CACNG3: variants seen among roughly 807,000 people sequenced by gnomAD.
CACNG3 encodes the protein calcium voltage-gated channel auxiliary subunit gamma 3, also known as voltage-dependent calcium channel gamma-3 subunit.
A neutral mutation model predicts 28.5 loss-of-function variants in CACNG3; 3 were observed. The ratio of observed to expected loss-of-function variants is 0.11; its 90% CI spans 0.05 to 0.27. The LOEUF is 0.27. Ranked by LOEUF, CACNG3 falls within the 10% of genes least tolerant of loss-of-function variation. The pLI is 1.00. For synonymous variants in CACNG3, 174 were observed against 162.2 expected, an observed-to-expected ratio of 1.07 and a Z score of -0.55; for missense variants, 236 against 414.4, an observed-to-expected ratio of 0.57 and a Z score of 3.74.
At chr16:24,291,191 A>G (rs892388732) in intron 1 of CACNG3, among the ~76,000 whole-genome samples, 2 of 152,140 alleles carry the variant, frequency 1.3e-5, no homozygotes, top group Non-Finnish European at 2.9e-5. Flanking sequence ...TTTGGCACAT[A>G]GTTAGCCCTC....
At chr16:24,348,884 C>T (rs1899905023) in intron 2 of CACNG3, among the ~76,000 whole-genome samples, 1 of 152,200 alleles carries the variant, frequency 6.6e-6, no homozygotes, top group South Asian at 2.1e-4. Flanking sequence ...ACTTGTATAG[C>T]TGATTTTAAG....
chr16:24,303,034 T>A (rs922916181), intron 1 of CACNG3, among the ~76,000 whole-genome samples: 3 of 152,056 alleles, frequency 2.0e-5, no homozygotes, highest in Non-Finnish European at 2.9e-5. Flanking sequence ...GCTCAAGCAA[T>A]CCTCCTGCCT....
chr16:24,345,251 C>T (rs1288592737), intron 1 of CACNG3, among the ~76,000 whole-genome samples: 1 of 152,184 alleles, frequency 6.6e-6, no homozygotes, highest in Non-Finnish European at 1.5e-5. Flanking sequence ...AATGCCCGCC[C>T]CCCTGATTCC....
chr16:24,296,476 G>A (rs756480864), intron 1 of CACNG3, among the ~76,000 whole-genome samples: 15 of 152,204 alleles, frequency 9.9e-5, no homozygotes, highest in Non-Finnish European at 1.6e-4. Flanking sequence ...TCACGGGACT[G>A]TGGCGATACT....
chr16:24,281,251 C>T (rs544292064), intron 1 of CACNG3, among the ~76,000 whole-genome samples: 9 of 152,114 alleles, frequency 5.9e-5, no homozygotes, highest in East Asian at 3.9e-4. Flanking sequence ...GCTGGAGTGC[C>T]GTAGTAGAAT....
At chr16:24,348,531 G>A (rs1245152572) in intron 2 of CACNG3, among the ~76,000 whole-genome samples, 4 of 152,114 alleles carry the variant, frequency 2.6e-5, no homozygotes, top group Non-Finnish European at 5.9e-5. Flanking sequence ...AGGAGAGAAG[G>A]ATGTGATCAC....
chr16:24,289,541 TG>T (rs1898938747), intron 1 of CACNG3, among the ~76,000 whole-genome samples: 1 of 152,204 alleles, frequency 6.6e-6, no homozygotes, highest in Non-Finnish European at 1.5e-5. Flanking sequence ...GATGAGCTTG[TG>T]GGTCTGAGCC....
At chr16:24,314,577 GA>G (rs202105085) in intron 1 of CACNG3, among the ~76,000 whole-genome samples, 24 of 152,284 alleles carry the variant, frequency 1.6e-4, no homozygotes, top group African/African-American at 5.5e-4. Flanking sequence ...GCCCAGTTCT[GA>G]AAAGAAAAAG....
At chr16:24,313,829 C>A (rs1899310585) in intron 1 of CACNG3, among the ~76,000 whole-genome samples, 1 of 152,032 alleles carries the variant, frequency 6.6e-6, no homozygotes. Flanking sequence ...ACTGCAACCT[C>A]CATCTCCTAG....
At chr16:24,313,266 T>G (rs1230130891) in intron 1 of CACNG3, among the ~76,000 whole-genome samples, 1 of 152,142 alleles carries the variant, frequency 6.6e-6, no homozygotes, top group Non-Finnish European at 1.5e-5. Flanking sequence ...AAAACAACCC[T>G]CTGAGATAAA....
intron 1 of CACNG3, among the ~76,000 whole-genome samples, chr16:24,278,383 T>G (rs1898779143): frequency 6.6e-6 from 1 of 152,162 alleles, no homozygotes; most frequent in South Asian, 2.1e-4. Context: ...TCTGGGAGGC[T>G]AAGACAGGTG....
chr16:24,358,153 C>T (rs895646777), intron 3 of CACNG3, among the ~76,000 whole-genome samples: 5 of 152,192 alleles, frequency 3.3e-5, no homozygotes, highest in Admixed American at 1.3e-4. Flanking sequence ...ATTAACAACC[C>T]TTTAAATCGG....
At chr16:24,359,030 T>C (rs1032413945) in intron 3 of CACNG3, among the ~76,000 whole-genome samples, 1 of 152,146 alleles carries the variant, frequency 6.6e-6, no homozygotes, top group Non-Finnish European at 1.5e-5. Context: ...CATCTGAGCC[T>C]CTCTTTGAAC....
chr16:24,358,780 G>A (rs1234311127), intron 3 of CACNG3, among the ~76,000 whole-genome samples: 3 of 152,180 alleles, frequency 2.0e-5, no homozygotes, highest in Non-Finnish European at 2.9e-5. Context: ...TTAGGTTGAT[G>A]CAAAAATAAT....
At chr16:24,303,108 G>A (rs748549565) in intron 1 of CACNG3, among the ~76,000 whole-genome samples, 23 of 151,830 alleles carry the variant, frequency 1.5e-4, no homozygotes, top group Non-Finnish European at 2.2e-4. Context: ...ATTTTTTAAC[G>A]CTCCCATGGT....
At chr16:24,299,938 G>A (rs554271592) in intron 1 of CACNG3, among the ~76,000 whole-genome samples, 12 of 147,422 alleles carry the variant, frequency 8.1e-5, no homozygotes, top group South Asian at 2.2e-4. Context: ...ACATGCACAC[G>A]CACACACACA....
intron 1 of CACNG3, among the ~76,000 whole-genome samples, chr16:24,314,412 C>T (rs762865450): frequency 6.5e-4 from 99 of 152,082 alleles, no homozygotes; most frequent in Non-Finnish European, 1.1e-3. Context: ...CCAGCAGCCA[C>T]GGGTGATCGA....
intron 1 of CACNG3, among the ~76,000 whole-genome samples, chr16:24,302,986 G>T (rs938431126): frequency 1.3e-5 from 2 of 152,002 alleles, no homozygotes; most frequent in East Asian, 3.9e-4. Flanking sequence ...TAGAGATAAG[G>T]TCTTGCCGTG....
At chr16:24,301,115 G>C (rs1023306416) in intron 1 of CACNG3, among the ~76,000 whole-genome samples, 1 of 151,216 alleles carries the variant, frequency 6.6e-6, no homozygotes, top group African/African-American at 2.4e-5. Flanking sequence ...AGAGGCTGAG[G>C]CATGAGAATC....
Sources: gnomAD v4.1 joint callset for allele counts (sites outside exome capture counted in the v4.1 genomes callset) on GRCh38, gnomAD v4.1.1 for gene constraint, MANE v1.5 for transcripts, NCBI Gene and HGNC (gene_info 2026-07-23, HGNC 2026-07-21) for gene names.